Variants in REST observed in about 807,000 individuals in gnomAD.
The protein encoded by REST is RE1 silencing transcription factor, also known as RE1-silencing transcription factor.
Under a neutral mutation model 30.4 loss-of-function variants are expected in REST, and 1 was observed. That is an observed-to-expected ratio of 0.03 (90% confidence interval 0.01 to 0.16). The LOEUF (loss-of-function observed/expected upper bound fraction) is 0.16, where lower values mean the gene tolerates loss of function less well. Among genes scored for constraint, REST ranks in the 10% least tolerant of loss-of-function variants. REST has a pLI of 1.00. For synonymous variants in REST, 504 were observed against 451.1 expected, an observed-to-expected ratio of 1.12 and a Z score of -1.49; for missense variants, 1,259 against 1,329.5, an observed-to-expected ratio of 0.95 and a Z score of 0.82.
chr4:56,926,281 C>T (rs1271230763), intron 3 of REST, among the ~76,000 whole-genome samples: 3 of 151,910 alleles, frequency 2.0e-5, no homozygotes, highest in African/African-American at 7.3e-5. Context: ...GACTGGTCTC[C>T]GGCTCCTGGT....
At position 56,910,785 on chromosome 4, in the gene REST, G is replaced by A. The variant is rs1350306218; in HGVS notation, c.147G>A (p.Leu49=). The change falls in exon 2 of 4, where the codon CTG becomes CTA. Residue 49 remains leucine, a synonymous_variant. Coordinates refer to ENST00000309042, the MANE Select transcript of REST (RefSeq NM_005612.5). ...AELAAPQLIM[L]ANVALTGEVN... Reference sequence around the variant, plus strand: ...TGGCCGCACCTCAGCTTATTATGCTGGCAAATGTGGCCTTAACTGGGGAAG... The same window carrying A: ...TGGCCGCACCTCAGCTTATTATGCTAGCAAATGTGGCCTTAACTGGGGAAG... 4 of 1,614,034 alleles carry A rather than the reference G, an allele frequency of 2.5e-6. No homozygotes were observed. The highest frequency in any genetic ancestry group is 1.3e-5 in the African/African-American group (1 of 74,914).
At chr4:56,926,218 C>G (rs1720705401) in intron 3 of REST, among the ~76,000 whole-genome samples, 2 of 151,880 alleles carry the variant, frequency 1.3e-5, no homozygotes, top group South Asian at 2.1e-4. Context: ...CACCACCACG[C>G]CTGGCTAAGT....
At chr4:56,927,382 G>A (rs1379863148) in intron 3 of REST, among the ~76,000 whole-genome samples, 1 of 152,194 alleles carries the variant, frequency 6.6e-6, no homozygotes, top group Admixed American at 6.5e-5. Flanking sequence ...CCAACATGGA[G>A]AAGAATTGTC....
In REST at chr4:56,908,019, G is replaced by T; in HGVS notation, c.-204G>T. ...CCCTGGCGGCGGCTGCCGCAGCCGA[G>T]ACGGCAGGGCGAGGCCCGGAGGCCT... is the stretch of plus-strand genomic sequence containing the variant. On this transcript the variant is annotated 5_prime_UTR_variant, in exon 1 of 4. Coordinates refer to ENST00000309042, the MANE Select transcript of REST (RefSeq NM_005612.5). The T allele has an allele frequency of 2.7e-6, 1 of 369,680 alleles. No individual in the cohort carries two copies. The highest frequency in any genetic ancestry group is 1.3e-4 in the South Asian group (1 of 7,592). The allele number at this position is 369,680 out of a possible 1,614,324, so 22.9% of individuals were successfully genotyped here.
chr4:56,921,811 G>A (rs1032596010), intron 3 of REST, among the ~76,000 whole-genome samples: 71 of 152,100 alleles, frequency 4.7e-4, no homozygotes, highest in Non-Finnish European at 1.6e-4. Flanking sequence ...TGATCATATG[G>A]CAAAATTATT....
intron 3 of REST, among the ~76,000 whole-genome samples, chr4:56,921,240 CA>C (rs1720438045): frequency 6.6e-6 from 1 of 152,134 alleles, no homozygotes; most frequent in Admixed American, 6.6e-5. Flanking sequence ...CTTGCTGTTA[CA>C]AAAGCCTATG....
chr4:56,919,389 T>C (rs932814932), intron 2 of REST, among the ~76,000 whole-genome samples: 1 of 152,064 alleles, frequency 6.6e-6, no homozygotes, highest in Admixed American at 6.6e-5. Flanking sequence ...AAAAAAAACC[T>C]AAAAACCGGT....
At chr4:56,922,282 TTA>T (rs1720487651) in intron 3 of REST, 1 of 134,654 alleles carries the variant, frequency 7.4e-6, no homozygotes, top group South Asian at 2.4e-4. Context: ...CTTTGTATTA[TTA>T]TTATTATTAT....
At position 56,930,701 on chromosome 4, in the gene REST, C is replaced by A; in HGVS notation, c.1843C>A (p.Pro615Thr). 6.2e-7 allele frequency: 1 copy of A among 1,608,330 alleles called. No homozygotes were observed. The highest frequency in any genetic ancestry group is 8.5e-7 in the Non-Finnish European group (1 of 1,178,576). Residue 615 changes from proline to threonine, a missense_variant, in exon 4 of 4, where the codon CCT becomes ACT. By Grantham distance (38) the Pro-to-Thr change is conservative. This residue lies in a region of REST where 856 missense variants were observed against 772.8 expected (regional missense o/e 1.11). Transcript: ENST00000309042. Reference protein sequence around the residue: ...SAQMDPPQMGPAPTEAVQKGP... With the variant: ...SAQMDPPQMGTAPTEAVQKGP... The stretch of plus-strand genomic sequence containing the variant: ...TCAGATGGACCCTCCTCAGATGGGG[C>A]CTGCTCCCACAGAGGCGGTTCAGAA...
intron 1 of REST, among the ~76,000 whole-genome samples, chr4:56,908,510 C>T (rs996608714): frequency 6.6e-6 from 1 of 151,972 alleles, no homozygotes; most frequent in African/African-American, 2.4e-5. Flanking sequence ...CCCGGACGCT[C>T]CACCGAGTCA....
At chr4:56,922,963 CTT>C (rs1397764876) in intron 3 of REST, among the ~76,000 whole-genome samples, 8 of 152,152 alleles carry the variant, frequency 5.3e-5, no homozygotes, top group Middle Eastern at 3.2e-3. Context: ...ATTAGTAATA[CTT>C]TGTCTTGTCA....
chr4:56,935,687 A>G lies in REST; in HGVS notation c.*3535A>G, dbSNP rs1721125278. 6.6e-6 allele frequency: 1 copy of G among 152,240 alleles called. No individual in the cohort carries two copies. The highest frequency in any genetic ancestry group is 1.5e-5 in the Non-Finnish European group (1 of 68,040). 9.4% of individuals were successfully genotyped at this position (152,240 alleles called of 1,614,324 possible). A position where few individuals can be genotyped will look rare whatever the true frequency, so the allele number is the denominator to read the frequency against. On this transcript the variant is annotated 3_prime_UTR_variant, in exon 4 of 4. Coordinates refer to ENST00000309042, the MANE Select transcript of REST (RefSeq NM_005612.5). ...TTTTATACATTTGTAATAGATAAAA[A>G]TAAACCAGATTGCAAATCCTTTTTT...
At chr4:56,928,612 A>G (rs971398576) in intron 3 of REST, among the ~76,000 whole-genome samples, 1 of 146,880 alleles carries the variant, frequency 6.8e-6, no homozygotes, top group African/African-American at 2.5e-5. Flanking sequence ...TTGTGAGACA[A>G]AGTCTTACTG....
In REST at chr4:56,908,122, A is replaced by G; in HGVS notation, c.-101A>G. 3.9e-6 allele frequency: 1 copy of G among 259,290 alleles called. No homozygotes were observed. Among genetic ancestry groups the G allele is most frequent in the Non-Finnish European group, 7.3e-6 (1 of 136,842 alleles). 16.1% of individuals were successfully genotyped at this position (259,290 alleles called of 1,614,324 possible). On this transcript the variant is annotated 5_prime_UTR_variant, in exon 1 of 4. Coordinates refer to ENST00000309042, the MANE Select transcript of REST (RefSeq NM_005612.5). The stretch of plus-strand genomic sequence containing the variant: ...GCACCCAACTTTACCACCCTCCCCC[A>G]CCTCTCCCCCGAAACTCCAGCAACA...
rs888153582 is a variant in REST at position 56,933,311 on chromosome 4, A to C, written c.*1159A>C. ...GTTGGTGTTCATATGGCTACTTTAC[A>C]ATAAAGAGAACTGTAAGTGATATTT... On this transcript the variant is annotated 3_prime_UTR_variant, in exon 4 of 4. Transcript: ENST00000309042. 1.3e-5 allele frequency: 2 copies of C among 152,196 alleles called. No homozygotes were observed. The highest frequency in any genetic ancestry group is 4.8e-5 in the African/African-American group (2 of 41,448). 9.4% of individuals were successfully genotyped at this position (152,196 alleles called of 1,614,324 possible). A position where few individuals can be genotyped will look rare whatever the true frequency, so the allele number is the denominator to read the frequency against.
chr4:56,919,597 TGTA>T lies in REST; in HGVS notation c.899-187_899-185del, dbSNP rs367823465. Among the ~76,000 whole-genome samples the T allele has an allele frequency of 5.3e-4, 80 of 152,346 alleles. 1 individual carries two copies. In the South Asian group the frequency reaches 0.014, roughly 27 times the overall value. ...TTTCTTGTCAGCAAAGCCAAAATAATGTAGTCATAGTTTCTGAAATAAATAACT... is the reference window on the plus strand; with the variant it reads ...TTTCTTGTCAGCAAAGCCAAAATAATGTCATAGTTTCTGAAATAAATAACT... On this transcript the variant is annotated intron_variant, in intron 2 of 3. Coordinates refer to ENST00000309042, the MANE Select transcript of REST (RefSeq NM_005612.5).
At chr4:56,926,475 C>T (rs1016676974) in intron 3 of REST, among the ~76,000 whole-genome samples, 13 of 151,864 alleles carry the variant, frequency 8.6e-5, no homozygotes, top group African/African-American at 2.7e-4. Flanking sequence ...CTCCCGGGTT[C>T]AAGGGATTCT....
rs1720929083 is a variant in REST at position 56,930,810 on chromosome 4, C to T, written c.1952C>T (p.Pro651Leu). The T allele has an allele frequency of 6.2e-7, 1 of 1,608,844 alleles. No homozygotes were observed. The highest frequency in any genetic ancestry group is 8.5e-7 in the Non-Finnish European group (1 of 1,177,382). Residue 651 changes from proline (P) to leucine (L), a missense_variant, in exon 4 of 4, where the codon CCT (proline) becomes CTT (leucine). Pro to Leu is a moderately conservative substitution (Grantham distance 98, BLOSUM62 -3). Around this residue, in one of 5 missense-constraint regions of REST, gnomAD observed 856 missense variants for 772.8 expected, o/e 1.11. Transcript: ENST00000309042. ...GAQIRPAPDE[P>L]VQMEVVQEGP... ...CAGATACGGCCTGCTCCTGACGAGC[C>T]TGTTCAGATGGAGGTGGTTCAGGAG...
At position 56,931,600 on chromosome 4, in the gene REST, C is replaced by G. The variant is rs757216362; in HGVS notation, c.2742C>G (p.Asn914Lys). 8 of 1,614,082 alleles carry G rather than the reference C, an allele frequency of 5.0e-6. No homozygotes were observed. The East Asian group carries it at 1.6e-4, about 31-fold the overall frequency. ...ESLPGLAANINESTHISSSGQ... is the reference protein window; with the variant it reads ...ESLPGLAANIKESTHISSSGQ... ...TACCTGGTCTTGCTGCTAATATCAA[C>G]GAATCTACCCATATTTCATCCTCTG... Residue 914 changes from asparagine (N) to lysine (K), a missense_variant, in exon 4 of 4, where the codon AAC becomes AAG. This residue lies in a region of REST where 856 missense variants were observed against 772.8 expected (regional missense o/e 1.11). Transcript: ENST00000309042.
Sources: allele counts gnomAD v4.1 joint callset (sites outside exome capture counted in the v4.1 genomes callset), GRCh38; gene constraint gnomAD v4.1.1; regional missense constraint gnomAD v4.1.1; transcripts MANE v1.5; gene names NCBI Gene and HGNC (gene_info 2026-07-23, HGNC 2026-07-21).